The following DLC1 variants were observed in gnomAD, a reference collection of about 807,000 sequenced individuals.
DLC1 encodes DLC1 Rho GTPase activating protein.
DLC1 carries 54 observed loss-of-function variants against 140.3 expected under a neutral mutation model. The ratio of observed to expected loss-of-function variants is 0.38; its 90% CI spans 0.31 to 0.48. The LOEUF is 0.48. Ranked by LOEUF, DLC1 falls within the 20% of genes least tolerant of loss-of-function variation. DLC1 has a pLI of 0.96. For synonymous variants in DLC1, 986 were observed against 728.1 expected (o/e 1.35, Z -5.70); for missense variants, 2,536 against 1,907.0 (o/e 1.33, Z -6.14).
chr8:13,563,322 A>G (rs952169856), intron 1 of DLC1, among the ~76,000 whole-genome samples: 5 of 152,226 alleles, frequency 3.3e-5, no homozygotes, highest in African/African-American at 7.2e-5. Flanking sequence ...CACTTGCTAG[A>G]TGTGGTCACA....
intron 4 of DLC1, among the ~76,000 whole-genome samples, chr8:13,322,937 G>C (rs943153986): frequency 6.6e-6 from 1 of 152,164 alleles, no homozygotes; most frequent in Admixed American, 6.5e-5. Flanking sequence ...TCTTTTGGAA[G>C]GTTTGTGCTG....
intron 5 of DLC1, among the ~76,000 whole-genome samples, chr8:13,266,954 A>T (rs1350886432): frequency 1.3e-5 from 2 of 152,158 alleles, no homozygotes; most frequent in Non-Finnish European, 2.9e-5. Context: ...TCCAGCCATG[A>T]GCTGCACATG....
chr8:13,126,014 A>G (rs951977960), intron 5 of DLC1, among the ~76,000 whole-genome samples: 2 of 151,978 alleles, frequency 1.3e-5, no homozygotes, highest in African/African-American at 2.4e-5. Flanking sequence ...CTAGTACAAG[A>G]GTTTGCAAAG....
chr8:13,562,911 CA>C (rs75333707), intron 1 of DLC1, among the ~76,000 whole-genome samples: 28,443 of 141,278 alleles, frequency 0.2, 3,102 homozygotes, highest in East Asian at 0.44. Flanking sequence ...AAGAAAAAAA[CA>C]AAAAAAAAAC....
chr8:13,594,393 G>C (rs1563464201), intron 1 of DLC1, among the ~76,000 whole-genome samples: 1 of 151,964 alleles, frequency 6.6e-6, no homozygotes, highest in African/African-American at 2.4e-5. Flanking sequence ...CCATTGTTTT[G>C]ATTGATTTTT....
At chr8:13,479,049 C>T (rs1348262302) in intron 2 of DLC1, among the ~76,000 whole-genome samples, 1 of 152,176 alleles carries the variant, frequency 6.6e-6, no homozygotes, top group Non-Finnish European at 1.5e-5. Context: ...CACTCTGATT[C>T]TTTTCTCTTA....
intron 10 of DLC1, 104 bp from the exon 11 acceptor site, chr8:13,095,349 C>G: frequency 7.2e-7 from 1 of 1,390,048 alleles, no homozygotes; most frequent in Non-Finnish European, 9.9e-7. Flanking sequence ...CAGATCTGTG[C>G]TAATACGGTG....
At chr8:13,094,557 T>G (rs1818347973) in intron 12 of DLC1, among the ~76,000 whole-genome samples, 1 of 151,980 alleles carries the variant, frequency 6.6e-6, no homozygotes, top group African/African-American at 2.4e-5. Context: ...TCCCAGCCAC[T>G]TGGGAGGCTG....
chr8:13,161,405 T>C (rs1824687725), intron 5 of DLC1, among the ~76,000 whole-genome samples: 1 of 152,122 alleles, frequency 6.6e-6, no homozygotes, highest in Admixed American at 6.5e-5. Context: ...GGCATGATCA[T>C]AGCTCATTGC....
At chr8:13,133,283 G>A in intron 5 of DLC1, 1 of 1,306,312 alleles carries the variant, frequency 7.7e-7, no homozygotes, top group Non-Finnish European at 9.7e-7. Flanking sequence ...GGCAGTCGGA[G>A]CGAACTGTCT....
intron 4 of DLC1, among the ~76,000 whole-genome samples, chr8:13,383,956 G>A (rs1836390671): frequency 6.6e-6 from 1 of 152,162 alleles, no homozygotes; most frequent in Non-Finnish European, 1.5e-5. Flanking sequence ...GTGGAACTGT[G>A]AGATTAGCTG....
intron 2 of DLC1, among the ~76,000 whole-genome samples, chr8:13,495,696 C>A (rs556824359): frequency 6.6e-6 from 1 of 152,198 alleles, no homozygotes; most frequent in Non-Finnish European, 1.5e-5. Context: ...TGTGACTAAA[C>A]CCTGGTAGTC....
intron 5 of DLC1, among the ~76,000 whole-genome samples, chr8:13,149,939 T>A (rs1159860247): frequency 6.6e-6 from 1 of 152,230 alleles, no homozygotes; most frequent in South Asian, 2.1e-4. Flanking sequence ...GGTAACCACA[T>A]ACTTTGTTTA....
chr8:13,548,660 T>A (rs936177256), intron 1 of DLC1, among the ~76,000 whole-genome samples: 1 of 152,032 alleles, frequency 6.6e-6, no homozygotes, highest in Non-Finnish European at 1.5e-5. Context: ...GATTTGGCAA[T>A]TCTACGGATT....
intron 1 of DLC1, among the ~76,000 whole-genome samples, chr8:13,548,440 G>A (rs560063515): frequency 1.3e-5 from 2 of 152,172 alleles, no homozygotes; most frequent in South Asian, 4.1e-4. Context: ...AATTTGGAGA[G>A]ATATGCCATG....
intron 4 of DLC1, among the ~76,000 whole-genome samples, chr8:13,365,049 C>A (rs1434727594): frequency 1.3e-5 from 2 of 152,186 alleles, no homozygotes; most frequent in Non-Finnish European, 2.9e-5. Context: ...ACGTGTCTTG[C>A]TGTTCTAATA....
chr8:13,297,866 G>GTTT (rs59669606), intron 5 of DLC1, among the ~76,000 whole-genome samples: 1 of 150,958 alleles, frequency 6.6e-6, no homozygotes, highest in African/African-American at 2.4e-5. Context: ...TTCCATTTTA[G>GTTT]TTTTTTTTTG....
At chr8:13,124,858 C>A (rs1041003604) in intron 5 of DLC1, among the ~76,000 whole-genome samples, 1 of 152,194 alleles carries the variant, frequency 6.6e-6, no homozygotes, top group Non-Finnish European at 1.5e-5. Context: ...TGGAAACATT[C>A]TTCTTCCCTC....
At chr8:13,459,104 G>C (rs186314476) in intron 2 of DLC1, among the ~76,000 whole-genome samples, 1 of 152,286 alleles carries the variant, frequency 6.6e-6, no homozygotes, top group African/African-American at 2.4e-5. Flanking sequence ...ACCATAGTTT[G>C]ATTTTCTAAA....
Sources: allele counts gnomAD v4.1 joint callset (sites outside exome capture counted in the v4.1 genomes callset), GRCh38; gene constraint gnomAD v4.1.1; transcripts MANE v1.5; gene names NCBI Gene and HGNC (gene_info 2026-07-23, HGNC 2026-07-21).